Variants in CDH13 observed in about 807,000 individuals in gnomAD.
CDH13 encodes the protein cadherin-13.
Under a neutral mutation model 63.8 loss-of-function variants are expected in CDH13, and 24 were observed. That is an observed-to-expected ratio of 0.38 (90% confidence interval 0.27 to 0.53). The LOEUF is 0.53. CDH13 is among the 20% of genes least tolerant of loss of function. CDH13 has a pLI of 0.85. For synonymous variants in CDH13, 503 were observed against 355.3 expected (o/e 1.42, Z -4.67); for missense variants, 1,049 against 903.1 (o/e 1.16, Z -2.07).
intron 4 of CDH13, among the ~76,000 whole-genome samples, chr16:83,195,564 A>G (rs539775898): frequency 9.2e-5 from 14 of 152,246 alleles, no homozygotes; most frequent in African/African-American, 3.1e-4. Context: ...TATCACGAGA[A>G]TAGCACTAGG....
At chr16:83,442,511 G>A (rs1234967732) in intron 6 of CDH13, among the ~76,000 whole-genome samples, 2 of 152,034 alleles carry the variant, frequency 1.3e-5, no homozygotes, top group Non-Finnish European at 2.9e-5. Flanking sequence ...AGTGATGGAT[G>A]AGAGAGATCC....
intron 2 of CDH13, among the ~76,000 whole-genome samples, chr16:82,957,778 T>C (rs1485815584): frequency 6.6e-6 from 1 of 152,262 alleles, no homozygotes; most frequent in Non-Finnish European, 1.5e-5. Flanking sequence ...ACCTAGGAAA[T>C]ATCTGGCCAA....
chr16:82,794,397 AT>A (rs150304266), intron 1 of CDH13, among the ~76,000 whole-genome samples: 6 of 119,702 alleles, frequency 5.0e-5, no homozygotes, highest in Admixed American at 9.2e-5. Context: ...TCAGAAAGGA[AT>A]TTTTTTTTCT....
At chr16:83,424,189 A>G (rs1266781738) in intron 6 of CDH13, among the ~76,000 whole-genome samples, 2 of 151,834 alleles carry the variant, frequency 1.3e-5, no homozygotes, top group Non-Finnish European at 3.0e-5. Flanking sequence ...ACACGTACTG[A>G]ACAGTCTAGA....
At chr16:83,477,343 C>T (rs952420978) in intron 6 of CDH13, among the ~76,000 whole-genome samples, 1 of 152,202 alleles carries the variant, frequency 6.6e-6, no homozygotes, top group African/African-American at 2.4e-5. Flanking sequence ...AGAGGAGAAG[C>T]GAAGCCTGTT....
chr16:83,437,403 C>T (rs1266423755), intron 6 of CDH13, among the ~76,000 whole-genome samples: 3 of 152,092 alleles, frequency 2.0e-5, no homozygotes, highest in East Asian at 1.9e-4. Flanking sequence ...TGGCCGGGTA[C>T]GGTGGCTCAT....
chr16:83,441,809 C>T (rs183409048), intron 6 of CDH13, among the ~76,000 whole-genome samples: 1 of 152,144 alleles, frequency 6.6e-6, no homozygotes. Context: ...GGACCCTATA[C>T]TCTACTCCAA....
At position 83,426,911 on chromosome 16, in the gene CDH13, T is replaced by C. The variant is rs867434678; in HGVS notation, c.782-59566T>C. 6.3e-4 allele frequency among the ~76,000 whole-genome samples: 37 copies of C among 58,554 alleles called. No individual in the cohort carries two copies. In the East Asian group the frequency reaches 8.9e-3, roughly 14 times the overall value. The allele number at this position is 58,554 out of a possible 152,430, so 38.4% of individuals were successfully genotyped here. On this transcript the variant is annotated intron_variant, in intron 6 of 13. Coordinates refer to ENST00000567109, the MANE Select transcript of CDH13 (RefSeq NM_001257.5). The stretch of plus-strand genomic sequence containing the variant: ...AATCTATAAATATGTTTCTTTCTTT[T>C]TTTTTTTTTTTTTTTTTTTTTTTTT...
intron 1 of CDH13, chr16:82,829,150 G>A (rs919525533): frequency 3.9e-5 from 6 of 152,242 alleles, no homozygotes; most frequent in African/African-American, 1.4e-4. Context: ...GTCATTCTGG[G>A]TTGGCAATAT....
intron 4 of CDH13, among the ~76,000 whole-genome samples, chr16:83,156,569 A>G (rs1567885636): frequency 6.6e-6 from 1 of 152,196 alleles, no homozygotes; most frequent in Non-Finnish European, 1.5e-5. Context: ...TGGTTGTTGC[A>G]CAAAGGTTTA....
rs185188248 is a variant in CDH13 at position 82,908,721 on chromosome 16, C to A, written c.157+50248C>A. Among the ~76,000 whole-genome samples the A allele has an allele frequency of 1.8e-3, 273 of 152,262 alleles. 1 individual carries two copies. Among genetic ancestry groups the A allele is most frequent in the African/African-American group, 6.3e-3 (260 of 41,544 alleles). ...CCTCGGTATCTGTGGGGGCCAAAATCCAGAAACCTCTGTGAATACCAAAAT... is the reference window on the plus strand; with the variant it reads ...CCTCGGTATCTGTGGGGGCCAAAATACAGAAACCTCTGTGAATACCAAAAT... On this transcript the variant is annotated intron_variant, in intron 2 of 13. Transcript: ENST00000567109.
intron 3 of CDH13, among the ~76,000 whole-genome samples, chr16:83,121,962 T>TCA (rs10665608): frequency 0.46 from 67,547 of 147,336 alleles, 15,695 homozygotes; most frequent in Admixed American, 0.56. Flanking sequence ...TTTAAAACTG[T>TCA]CACACACACA....
chr16:82,951,501 C>G (rs891666818), intron 2 of CDH13, among the ~76,000 whole-genome samples: 2 of 152,176 alleles, frequency 1.3e-5, no homozygotes, highest in South Asian at 2.1e-4. Context: ...TCGTTGGGTA[C>G]GCTGGCTTCA....
Position 83,167,701 on chromosome 16 carries a change from T to A in CDH13, c.483+42200T>A, listed in dbSNP as rs554649892. Among the ~76,000 whole-genome samples the A allele has an allele frequency of 1.9e-3, 287 of 151,006 alleles. 2 individuals are homozygous for A. Among genetic ancestry groups the A allele is most frequent in the African/African-American group, 6.4e-3 (264 of 40,972 alleles). ...CTCATTATTTCATTGCTTTTTTTTT[T>A]AATTATCCTATTTTTAAAATTATTC... On this transcript the variant is annotated intron_variant, in intron 4 of 13. Transcript: ENST00000567109.
chr16:83,555,911 T>C (rs2075590866), intron 7 of CDH13, among the ~76,000 whole-genome samples: 2 of 152,198 alleles, frequency 1.3e-5, no homozygotes, highest in African/African-American at 4.8e-5. Flanking sequence ...CTTCTTATGC[T>C]TTTTCAATGG....
chr16:83,666,987 CTGGATGGATGGATGGA>C (rs35753725), intron 8 of CDH13, among the ~76,000 whole-genome samples: 6 of 144,582 alleles, frequency 4.1e-5, no homozygotes, highest in South Asian at 4.5e-4. Flanking sequence ...TGGTGTAACC[CTGGATGGATGGATGGA>C]TGGATGGATG....
At chr16:82,699,895 G>A (rs2030779816) in intron 1 of CDH13, among the ~76,000 whole-genome samples, 1 of 152,222 alleles carries the variant, frequency 6.6e-6, no homozygotes, top group South Asian at 2.1e-4. Flanking sequence ...CTGATGCAAT[G>A]TTTCAACAGT....
intron 1 of CDH13, among the ~76,000 whole-genome samples, chr16:82,730,067 A>G (rs951669496): frequency 2.0e-5 from 3 of 152,188 alleles, no homozygotes; most frequent in Non-Finnish European, 4.4e-5. Context: ...CTGTGGCTGG[A>G]TTGATCTTCT....
At chr16:83,091,778 T>C (rs1158524719) in intron 3 of CDH13, among the ~76,000 whole-genome samples, 1 of 152,250 alleles carries the variant, frequency 6.6e-6, no homozygotes, top group African/African-American at 2.4e-5. Context: ...CCAGCATCTA[T>C]AGCAGTGCCT....
Sources: allele counts gnomAD v4.1 joint callset (sites outside exome capture counted in the v4.1 genomes callset), GRCh38; gene constraint gnomAD v4.1.1; transcripts MANE v1.5; gene names NCBI Gene and HGNC (gene_info 2026-07-23, HGNC 2026-07-21).